Variants in CLNK observed in about 807,000 individuals in gnomAD.
The protein encoded by CLNK is cytokine-dependent hematopoietic cell linker.
A neutral mutation model predicts 68.6 loss-of-function variants in CLNK; 74 were observed. That is an observed-to-expected ratio of 1.08 (90% CI 0.89 to 1.31). CLNK has a LOEUF of 1.31. CLNK is among the 50% of genes most tolerant of loss of function. The pLI is 0.00. For missense variants in CLNK, 553 were observed against 515.3 expected (o/e 1.07, Z -0.71); for synonymous variants, 198 against 172.2 (o/e 1.15, Z -1.17).
chr4:10,584,783 C>A, intron 4 of CLNK, 144 bp downstream of exon 4: 2 of 875,876 alleles, frequency 2.3e-6, no homozygotes, highest in Admixed American at 2.2e-5. Context: ...CCTGGGGCAA[C>A]TGGAAGGAAT....
At chr4:10,490,645 T>C in intron 18 of CLNK, 32 bp from the exon 19 acceptor site, 3 of 1,536,838 alleles carry the variant, frequency 2.0e-6, no homozygotes, top group Admixed American at 2.0e-5. Flanking sequence ...TAATGACTTT[T>C]AAAATATCTT....
At chr4:10,540,844 G>T (rs1718983657) in intron 10 of CLNK, among the ~76,000 whole-genome samples, 1 of 152,130 alleles carries the variant, frequency 6.6e-6, no homozygotes, top group Admixed American at 6.6e-5. Flanking sequence ...GCTTTAGGAG[G>T]CCTGTGGAGA....
intron 8 of CLNK, among the ~76,000 whole-genome samples, chr4:10,544,629 A>G (rs1048268223): frequency 6.6e-6 from 1 of 152,174 alleles, no homozygotes; most frequent in Non-Finnish European, 1.5e-5. Flanking sequence ...ACAGCGAGGG[A>G]GCATGTCCTG....
chr4:10,705,080 A>G, the CLNK span, among the ~76,000 whole-genome samples: 666 of 152,342 alleles, frequency 4.4e-3, 3 homozygotes, highest in African/African-American at 0.015. Context: ...GCAACAGTAA[A>G]GAACTAGAAG....
At chr4:10,688,707 G>A (rs1725355977), upstream of CLNK, among the ~76,000 whole-genome samples, 1 of 152,054 alleles carries the variant, frequency 6.6e-6, no homozygotes. Context: ...AATACAGGCA[G>A]GTAAGAATAC....
chr4:10,625,743 G>C (rs1162138957), intron 2 of CLNK, among the ~76,000 whole-genome samples: 1 of 152,146 alleles, frequency 6.6e-6, no homozygotes, highest in African/African-American at 2.4e-5. Flanking sequence ...AGGAAATAGA[G>C]AGACAGAGAG....
At chr4:10,683,003 A>G (rs1413873779) in intron 1 of CLNK, among the ~76,000 whole-genome samples, 1 of 152,230 alleles carries the variant, frequency 6.6e-6, no homozygotes, top group Admixed American at 6.5e-5. Context: ...TAATGGAGAA[A>G]GAAGTCAACA....
At chr4:10,693,221 A>T in the CLNK span, among the ~76,000 whole-genome samples, 4 of 152,234 alleles carry the variant, frequency 2.6e-5, no homozygotes, top group South Asian at 2.1e-4. Flanking sequence ...GATGTTGCTG[A>T]TGGGAGAAAA....
intron 1 of CLNK, among the ~76,000 whole-genome samples, chr4:10,669,009 G>A (rs952405980): frequency 1.3e-5 from 2 of 152,132 alleles, no homozygotes; most frequent in African/African-American, 4.8e-5. Context: ...TTATGTGACC[G>A]AGAACACCCA....
At chr4:10,550,204 A>T (rs932351784) in intron 8 of CLNK, among the ~76,000 whole-genome samples, 1 of 152,184 alleles carries the variant, frequency 6.6e-6, no homozygotes, top group Non-Finnish European at 1.5e-5. Flanking sequence ...TTAAAAATAC[A>T]TTACATAGGC....
At chr4:10,640,445 C>T (rs975787835) in intron 2 of CLNK, among the ~76,000 whole-genome samples, 6 of 152,208 alleles carry the variant, frequency 3.9e-5, no homozygotes, top group East Asian at 1.9e-4. Context: ...GGATTACAGG[C>T]GTGAGCCATT....
At chr4:10,517,755 C>A (rs3919506) in intron 15 of CLNK, among the ~76,000 whole-genome samples, 4,774 of 152,182 alleles carry the variant, frequency 0.031, 260 homozygotes, top group African/African-American at 0.1. Flanking sequence ...CAGTGCCTTG[C>A]TTGGATATTT....
At chr4:10,499,584 C>T (rs1716956944) in intron 18 of CLNK, among the ~76,000 whole-genome samples, 1 of 152,194 alleles carries the variant, frequency 6.6e-6, no homozygotes, top group Admixed American at 6.5e-5. Flanking sequence ...GCAATGTGCC[C>T]TATTTTGTTA....
chr4:10,497,720 T>C (rs12504795), intron 18 of CLNK, among the ~76,000 whole-genome samples: 35,650 of 152,224 alleles, frequency 0.23, 4,671 homozygotes, highest in Middle Eastern at 0.32. Context: ...AGGTCTCAGT[T>C]TCCTTGCCAG....
chr4:10,722,575 A>T, the CLNK span, among the ~76,000 whole-genome samples: 1 of 152,224 alleles, frequency 6.6e-6, no homozygotes, highest in Non-Finnish European at 1.5e-5. Flanking sequence ...TTACCAGTTG[A>T]GGGTGTCCAG....
chr4:10,642,712 C>T lies in CLNK; in HGVS notation c.11+25147G>A, dbSNP rs535017890. On this transcript the variant is annotated intron_variant, in intron 2 of 18. Transcript: ENST00000226951. The stretch of plus-strand genomic sequence containing the variant: ...TAAACAACAATGACCCAACCTAACT[C>T]ACTGGGTGCACTGTCATTTAATAGC... Among the ~76,000 whole-genome samples the T allele has an allele frequency of 6.6e-5, 10 of 152,262 alleles. No homozygotes were observed. In the South Asian group the frequency reaches 1.7e-3, roughly 25 times the overall value.
At chr4:10,504,321 C>T (rs1034632405) in intron 17 of CLNK, among the ~76,000 whole-genome samples, 1 of 151,898 alleles carries the variant, frequency 6.6e-6, no homozygotes, top group Non-Finnish European at 1.5e-5. Context: ...GAGGTTTCAC[C>T]GTGTTAGCCA....
At chr4:10,504,138 T>TTTTTG (rs1717182998) in intron 17 of CLNK, among the ~76,000 whole-genome samples, 1 of 116,708 alleles carries the variant, frequency 8.6e-6, no homozygotes, top group Non-Finnish European at 1.9e-5. Flanking sequence ...TTTTTTTTTT[T>TTTTTG]GAGATGGAGT....
At position 10,638,677 on chromosome 4, in the gene CLNK, T is replaced by C. The variant is rs143460535; in HGVS notation, c.11+29182A>G. Among the ~76,000 whole-genome samples the C allele has an allele frequency of 3.3e-3, 504 of 152,374 alleles. 2 individuals are homozygous for C. The highest frequency in any genetic ancestry group is 0.012 in the African/African-American group (484 of 41,598). On this transcript the variant is annotated intron_variant, in intron 2 of 18. Transcript: ENST00000226951. ...AGAGTTGCCCACCTGTGTTTCTTGC[T>C]AGAATCATTTGGAGAGATTTATCAA... is the stretch of plus-strand genomic sequence containing the variant.
Sources: allele counts gnomAD v4.1 joint callset (sites outside exome capture counted in the v4.1 genomes callset), GRCh38; gene constraint gnomAD v4.1.1; transcripts MANE v1.5; gene names NCBI Gene and HGNC (gene_info 2026-07-23, HGNC 2026-07-21).